Variants in C17orf78 observed in about 807,000 individuals in gnomAD.
C17orf78 encodes chromosome 17 open reading frame 78, also known as uncharacterized protein C17orf78.
A neutral mutation model predicts 31.8 loss-of-function variants in C17orf78; 27 were observed. The observed-to-expected ratio is 0.85, with a 90% CI of 0.63 to 1.17. C17orf78 has a LOEUF of 1.17. Ranked by LOEUF, C17orf78 falls within the 50% of genes most tolerant of loss-of-function variation. The probability of loss-of-function intolerance (pLI) is 0.00; values close to 1 mark genes in which losing one functional copy is unlikely to be tolerated. For synonymous variants in C17orf78, 106 were observed against 115.1 expected, an observed-to-expected ratio of 0.92 and a Z score of 0.51; for missense variants, 258 against 315.2, an observed-to-expected ratio of 0.82 and a Z score of 1.37.
At position 37,391,638 on chromosome 17, in the gene C17orf78, A is replaced by G; in HGVS notation, c.751-9A>G. The G allele has an allele frequency of 6.2e-7, 1 of 1,612,750 alleles. No individual in the cohort carries two copies. The highest frequency in any genetic ancestry group is 8.5e-7 in the Non-Finnish European group (1 of 1,178,850). On this transcript the variant is annotated splice_polypyrimidine_tract_variant and intron_variant, in intron 6 of 6. Transcript: ENST00000615133. ...TTTTTTAACTTTCATATTTCCTTTC[A>G]ATCTCTAGGTTGGACAAGATGCTGC...
At chr17:37,389,579 C>T (rs760473391) in intron 6 of C17orf78, among the ~76,000 whole-genome samples, 3 of 151,750 alleles carry the variant, frequency 2.0e-5, no homozygotes, top group Non-Finnish European at 4.4e-5. Context: ...CCCAGCTACT[C>T]GGAAGGCTGA....
chr17:37,378,314 T>C lies in C17orf78; in HGVS notation c.145+349T>C, dbSNP rs61469190. Among the ~76,000 whole-genome samples the C allele has an allele frequency of 8.7e-4, 133 of 152,344 alleles. 1 individual carries two copies. Among genetic ancestry groups the C allele is most frequent in the African/African-American group, 3.1e-3 (130 of 41,588 alleles). On this transcript the variant is annotated intron_variant, in intron 2 of 6. Transcript: ENST00000615133. ...AAAGGCAGGACTTGTCTATTAGTACTATGAACACAAACTGAAGAAGTTAAC... is the reference window on the plus strand; with the variant it reads ...AAAGGCAGGACTTGTCTATTAGTACCATGAACACAAACTGAAGAAGTTAAC...
chr17:37,385,891 A>C, intron 3 of C17orf78, 118 bp from the exon 4 acceptor site: 1 of 648,278 alleles, frequency 1.5e-6, no homozygotes, highest in Non-Finnish European at 2.7e-6. Context: ...ATGGACAGAC[A>C]GGTTAATGGG....
intron 6 of C17orf78, among the ~76,000 whole-genome samples, chr17:37,390,139 AGTATATATAT>A (rs1568094380): frequency 1.1e-4 from 2 of 17,880 alleles, no homozygotes; most frequent in African/African-American, 8.1e-4. Context: ...TAAAAAAAAA[AGTATATATAT>A]ATATATATAT....
chr17:37,378,719 A>G (rs1411753300), intron 2 of C17orf78, among the ~76,000 whole-genome samples: 2 of 151,982 alleles, frequency 1.3e-5, no homozygotes, highest in Non-Finnish European at 2.9e-5. Flanking sequence ...GGGCAACAAG[A>G]GCAAAACTCA....
intron 3 of C17orf78, among the ~76,000 whole-genome samples, chr17:37,384,796 G>A (rs2050456055): frequency 6.6e-6 from 1 of 152,198 alleles, no homozygotes; most frequent in South Asian, 2.1e-4. Context: ...CTTCCCCTAT[G>A]ATTTCATGTA....
chr17:37,385,885 A>G, intron 3 of C17orf78, 124 bp from the exon 4 acceptor site: 3 of 634,036 alleles, frequency 4.7e-6, no homozygotes, highest in Non-Finnish European at 8.2e-6. Context: ...AAACCTATGG[A>G]CAGACAGGTT....
At chr17:37,380,568 C>T (rs1007108234) in intron 3 of C17orf78, among the ~76,000 whole-genome samples, 4 of 151,948 alleles carry the variant, frequency 2.6e-5, no homozygotes, top group Non-Finnish European at 5.9e-5. Context: ...TCTGATGGAT[C>T]TTCTTTCAAC....
intron 3 of C17orf78, among the ~76,000 whole-genome samples, chr17:37,381,729 G>A (rs917937366): frequency 2.7e-5 from 4 of 148,452 alleles, no homozygotes; most frequent in Non-Finnish European, 5.9e-5. Context: ...TCGGGTTCAC[G>A]CCATTCTCCT....
intron 6 of C17orf78, among the ~76,000 whole-genome samples, chr17:37,391,028 C>G (rs2050860907): frequency 6.6e-6 from 1 of 152,066 alleles, no homozygotes; most frequent in South Asian, 2.1e-4. Context: ...ATCATGAGGT[C>G]AGGAGTTTGA....
intron 3 of C17orf78, among the ~76,000 whole-genome samples, chr17:37,385,713 T>C (rs1478922698): frequency 6.6e-6 from 1 of 152,144 alleles, no homozygotes; most frequent in East Asian, 1.9e-4. Context: ...CCTTCATCTT[T>C]ATTATTATTA....
intron 6 of C17orf78, among the ~76,000 whole-genome samples, 186 bp downstream of exon 6, chr17:37,389,548 C>CGG (rs1230671920): frequency 6.6e-6 from 1 of 151,798 alleles, no homozygotes; most frequent in Non-Finnish European, 1.5e-5. Context: ...AAAAATTAGC[C>CGG]AGGTGGCACA....
chr17:37,378,053 C>T (rs749723229), intron 2 of C17orf78, 88 bp downstream of exon 2: 43 of 1,209,760 alleles, frequency 3.6e-5, no homozygotes, highest in Admixed American at 3.4e-4. Flanking sequence ...CACTTCCTAG[C>T]CCATATCTCA....
chr17:37,377,489 A>C lies in C17orf78; in HGVS notation c.59-390A>C, dbSNP rs199640713. Among the ~76,000 whole-genome samples, 5 of 152,006 alleles carry C rather than the reference A, an allele frequency of 3.3e-5. No homozygotes were observed. The East Asian group carries it at 9.7e-4, about 30-fold the overall frequency. Reference sequence around the variant, plus strand: ...AGCATAGCCAAAATGGCGAAACCCCATCTCTACTAAAAATACAAAAATTAG... The same window carrying C: ...AGCATAGCCAAAATGGCGAAACCCCCTCTCTACTAAAAATACAAAAATTAG... On this transcript the variant is annotated intron_variant, in intron 1 of 6. Transcript: ENST00000615133.
chr17:37,378,022 T>C (rs2050084163), intron 2 of C17orf78, 57 bp downstream of exon 2: 1 of 1,466,912 alleles, frequency 6.8e-7, no homozygotes, highest in Admixed American at 1.7e-5. Flanking sequence ...ATTTTTACCT[T>C]TAAAAGATAT....
In C17orf78 at chr17:37,376,031, C is replaced by A; in HGVS notation, c.-62C>A. 7.1e-7 allele frequency: 1 copy of A among 1,411,926 alleles called. No individual in the cohort carries two copies. The highest frequency in any genetic ancestry group is 1.0e-6 in the Non-Finnish European group (1 of 998,374). 87.5% of individuals were successfully genotyped at this position (1,411,926 alleles called of 1,614,324 possible). A position where few individuals can be genotyped will look rare whatever the true frequency, so the allele number is the denominator to read the frequency against. Reference sequence around the variant, plus strand: ...GTGGTGAAAGCAACTAGAGGCAGAGCTATCAAGGGCTGTGACAGATGAGCA... The same window carrying A: ...GTGGTGAAAGCAACTAGAGGCAGAGATATCAAGGGCTGTGACAGATGAGCA... On this transcript the variant is annotated 5_prime_UTR_variant, in exon 1 of 7. Transcript: ENST00000615133.
At position 37,391,885 on chromosome 17, in the gene C17orf78, T is replaced by C; in HGVS notation, c.*161T>C. 1.5e-6 allele frequency: 1 copy of C among 674,760 alleles called. No individual in the cohort carries two copies. The highest frequency in any genetic ancestry group is 2.6e-6 in the Non-Finnish European group (1 of 388,360). The allele number at this position is 674,760 out of a possible 1,614,324, so 41.8% of individuals were successfully genotyped here. A position where few individuals can be genotyped will look rare whatever the true frequency, so the allele number is the denominator to read the frequency against. ...AGGGAGAGTGTGGGCTTAGCAGAGT[T>C]ACCCTCATGCCCCTATCTGAGCCAC... On this transcript the variant is annotated 3_prime_UTR_variant, in exon 7 of 7. Transcript: ENST00000615133.
At position 37,385,621 on chromosome 17, in the gene C17orf78, GCTAA is replaced by G. The variant is rs1298238976; in HGVS notation, c.392-385_392-382del. On this transcript the variant is annotated intron_variant, in intron 3 of 6. Transcript: ENST00000615133. ...AGACACACTTGCAGCAGTCATTAAG[GCTAA>G]CTGTGATATTTCATGTTCTTCCTTG... Among the ~76,000 whole-genome samples the G allele has an allele frequency of 2.0e-5, 3 of 152,222 alleles. No homozygotes were observed. In the East Asian group the frequency reaches 5.8e-4, roughly 29 times the overall value.
intron 4 of C17orf78, 119 bp downstream of exon 4, chr17:37,386,244 T>C: frequency 1.5e-6 from 1 of 649,590 alleles, no homozygotes; most frequent in East Asian, 2.9e-5. Context: ...TTCTTGAGGT[T>C]GAGAAGTTAC....
Sources: gnomAD v4.1 joint callset for allele counts (sites outside exome capture counted in the v4.1 genomes callset) on GRCh38, gnomAD v4.1.1 for gene constraint, MANE v1.5 for transcripts, NCBI Gene and HGNC (gene_info 2026-07-23, HGNC 2026-07-21) for gene names.